SUMF1: variants seen among roughly 807,000 people sequenced by gnomAD.
SUMF1 encodes formylglycine-generating enzyme.
SUMF1 carries 48 observed loss-of-function variants against 47.6 expected under a neutral mutation model. The observed-to-expected ratio is 1.01, with a 90% confidence interval of 0.80 to 1.28. The LOEUF is 1.28. SUMF1 is among the 50% of genes most tolerant of loss of function. SUMF1 has a pLI of 0.00. For synonymous variants in SUMF1, 230 were observed against 192.1 expected, an observed-to-expected ratio of 1.20 and a Z score of -1.63; for missense variants, 571 against 485.4, an observed-to-expected ratio of 1.18 and a Z score of -1.66.
At chr3:4,145,214 G>T (rs1042714316) in intron 8 of SUMF1, among the ~76,000 whole-genome samples, 2 of 101,114 alleles carry the variant, frequency 2.0e-5, no homozygotes, top group African/African-American at 3.3e-5. Context: ...AAAAAAAAAA[G>T]CCATCTCCTA....
intron 8 of SUMF1, among the ~76,000 whole-genome samples, chr3:4,131,129 C>A (rs1394625538): frequency 6.6e-6 from 1 of 152,150 alleles, no homozygotes; most frequent in Non-Finnish European, 1.5e-5. Context: ...ATCAAGTCAC[C>A]ATATGACCTG....
At chr3:4,075,444 C>G (rs1047400696) in intron 8 of SUMF1, among the ~76,000 whole-genome samples, 2 of 152,084 alleles carry the variant, frequency 1.3e-5, no homozygotes, top group Non-Finnish European at 2.9e-5. Flanking sequence ...CAAAGATGCC[C>G]TCTCTCACCA....
intron 8 of SUMF1, among the ~76,000 whole-genome samples, chr3:4,310,031 G>T (rs1698342898): frequency 1.3e-5 from 2 of 152,192 alleles, no homozygotes; most frequent in African/African-American, 4.8e-5. Context: ...AACCTGCACA[G>T]AATGTTGCTA....
At chr3:4,298,742 T>C (rs902608857) in intron 8 of SUMF1, among the ~76,000 whole-genome samples, 4 of 152,342 alleles carry the variant, frequency 2.6e-5, no homozygotes, top group Non-Finnish European at 4.4e-5. Context: ...ATTCCCCTAA[T>C]TGGTAAACTG....
intron 8 of SUMF1, among the ~76,000 whole-genome samples, chr3:4,192,298 C>T (rs1028138504): frequency 8.5e-5 from 13 of 152,240 alleles, no homozygotes; most frequent in African/African-American, 2.9e-4. Context: ...AACTCTGCCA[C>T]TAAGAAGCTA....
At position 4,184,822 on chromosome 3, in the gene SUMF1, G is replaced by T. The variant is rs142250223; in HGVS notation, c.1015-116077C>A. Among the ~76,000 whole-genome samples, 266 of 151,908 alleles carry T rather than the reference G, an allele frequency of 1.8e-3. 3 individuals are homozygous for T. Among genetic ancestry groups the T allele is most frequent in the African/African-American group, 6.3e-3 (260 of 41,458 alleles). ...TGCCACCATGCTCAGCTAATTTTCA[G>T]ATTTTTAGTAGAGATGGGGGTTTTG... On this transcript the variant is annotated intron_variant and NMD_transcript_variant, in intron 8 of 12. Coordinates refer to the SUMF1 transcript ENST00000448413.
At chr3:4,135,509 C>T (rs1282476626) in intron 8 of SUMF1, among the ~76,000 whole-genome samples, 1 of 152,088 alleles carries the variant, frequency 6.6e-6, no homozygotes, top group East Asian at 1.9e-4. Context: ...AAACCCATAG[C>T]CAATATCATA....
intron 8 of SUMF1, among the ~76,000 whole-genome samples, chr3:4,345,545 G>A (rs1055645024): frequency 6.6e-6 from 1 of 152,048 alleles, no homozygotes; most frequent in Non-Finnish European, 1.5e-5. Context: ...CATTAAATAT[G>A]GAAAAGAAAA....
intron 8 of SUMF1, among the ~76,000 whole-genome samples, chr3:4,129,784 T>C (rs1385361351): frequency 2.0e-5 from 3 of 152,120 alleles, no homozygotes; most frequent in African/African-American, 7.2e-5. Flanking sequence ...CCAGTTAAAG[T>C]AGGGGCTTAT....
chr3:4,107,593 G>C (rs1338300841), intron 8 of SUMF1, among the ~76,000 whole-genome samples: 1 of 152,060 alleles, frequency 6.6e-6, no homozygotes, highest in Admixed American at 6.6e-5. Flanking sequence ...CCACCTATCT[G>C]AATTGCCTGA....
At chr3:4,360,415 C>T (rs921828846), downstream of SUMF1, among the ~76,000 whole-genome samples, 2 of 151,964 alleles carry the variant, frequency 1.3e-5, no homozygotes, top group Non-Finnish European at 2.9e-5. Context: ...GCAACCTCCG[C>T]CTTCCAGGTT....
chr3:4,316,952 C>A (rs967729045), intron 8 of SUMF1: 3 of 1,549,374 alleles, frequency 1.9e-6, no homozygotes, highest in Non-Finnish European at 2.6e-6. Flanking sequence ...TTCTTCTCCA[C>A]GACAATGCCC....
intron 8 of SUMF1, among the ~76,000 whole-genome samples, chr3:4,246,167 T>C (rs921401652): frequency 3.9e-5 from 6 of 152,150 alleles, no homozygotes; most frequent in African/African-American, 1.4e-4. Context: ...CAGTCACTCA[T>C]GGCTTCCCTT....
In SUMF1 at chr3:4,389,870, G is replaced by A. The variant is rs904687067; in HGVS notation, c.955-13481C>T. ...CTTTCAATTTTTTCATTTGTTTCAA[G>A]TGCGATCATAGTTGCTCACTGATTT... On this transcript the variant is annotated intron_variant, in intron 7 of 8. Coordinates refer to ENST00000272902, the MANE Select transcript of SUMF1 (RefSeq NM_182760.4). Among the ~76,000 whole-genome samples the A allele has an allele frequency of 2.0e-5, 3 of 152,028 alleles. No homozygotes were observed. The East Asian group carries it at 5.8e-4, about 29-fold the overall frequency.
chr3:4,106,975 T>C (rs1465295651), intron 8 of SUMF1, among the ~76,000 whole-genome samples: 2 of 152,090 alleles, frequency 1.3e-5, no homozygotes, highest in Admixed American at 6.6e-5. Context: ...AAAATTCAGA[T>C]ATTTCTCCAA....
chr3:4,467,143 G>A lies in SUMF1; in HGVS notation c.103C>T (p.Gln35Ter). Reference sequence around the variant, plus strand: ...GCGCCCGCACCGGTCCCGGCCTCCTGGCTCCCTGCCGCTCCACACAGCAGC... The same window carrying A: ...GCGCCCGCACCGGTCCCGGCCTCCTAGCTCCCTGCCGCTCCACACAGCAGC... ...LSLLCGAAGS[Q>*]EAGTGAGAGS... is the part of the protein sequence containing the mutation. The change falls in exon 1 of 9, where the codon CAG becomes TAG. Residue 35 changes from glutamine to a stop codon, truncating the protein, a stop_gained. Coordinates refer to ENST00000272902, the MANE Select transcript of SUMF1 (RefSeq NM_182760.4). LOFTEE classifies it high-confidence loss of function. 6.3e-7 allele frequency: 1 copy of A among 1,577,412 alleles called. No homozygotes were observed.
At chr3:4,164,191 G>C (rs912183591) in intron 8 of SUMF1, among the ~76,000 whole-genome samples, 1 of 152,176 alleles carries the variant, frequency 6.6e-6, no homozygotes, top group Non-Finnish European at 1.5e-5. Context: ...AACTGAGGAG[G>C]TGGGAGAAAT....
chr3:4,239,268 G>A (rs1271983239), intron 8 of SUMF1, among the ~76,000 whole-genome samples: 1 of 151,902 alleles, frequency 6.6e-6, no homozygotes, highest in African/African-American at 2.4e-5. Flanking sequence ...GTTCTTTTTT[G>A]GTTCCATGTG....
chr3:4,306,888 C>G (rs146874840), intron 8 of SUMF1, among the ~76,000 whole-genome samples: 2 of 152,340 alleles, frequency 1.3e-5, no homozygotes, highest in East Asian at 3.9e-4. Context: ...ATAATGTCAT[C>G]AGTGTTGAAA....
Sources: allele counts gnomAD v4.1 joint callset (sites outside exome capture counted in the v4.1 genomes callset), GRCh38; gene constraint gnomAD v4.1.1; transcripts MANE v1.5; gene names NCBI Gene and HGNC (gene_info 2026-07-23, HGNC 2026-07-21).